Variants in R3HCC1L observed in about 807,000 individuals in gnomAD.
The protein encoded by R3HCC1L is coiled-coil domain-containing protein R3HCC1L.
Under a neutral mutation model 59.9 loss-of-function variants are expected in R3HCC1L, and 51 were observed. The observed-to-expected ratio is 0.85, with a 90% CI of 0.68 to 1.07. The LOEUF (loss-of-function observed/expected upper bound fraction) is 1.07. Ranked by LOEUF, R3HCC1L falls within the 50% of genes least tolerant of loss-of-function variation. R3HCC1L has a pLI of 0.00. For missense variants in R3HCC1L, 965 were observed against 933.0 expected (o/e 1.03, Z -0.45); for synonymous variants, 322 against 315.2 (o/e 1.02, Z -0.23).
intron 2 of R3HCC1L, among the ~76,000 whole-genome samples, chr10:98,161,909 G>A (rs1474293938): frequency 1.3e-5 from 2 of 152,044 alleles, no homozygotes; most frequent in Non-Finnish European, 2.9e-5. Flanking sequence ...CAATGAAAAA[G>A]CTTGCAGGTG....
At chr10:98,139,645 T>C (rs1166974795) in intron 1 of R3HCC1L, among the ~76,000 whole-genome samples, 1 of 152,124 alleles carries the variant, frequency 6.6e-6, no homozygotes, top group Non-Finnish European at 1.5e-5. Flanking sequence ...GTCAAAGCAT[T>C]AGATAGAGGA....
chr10:98,180,924 A>G (rs1025398014), intron 4 of R3HCC1L, among the ~76,000 whole-genome samples: 20 of 151,910 alleles, frequency 1.3e-4, no homozygotes, highest in African/African-American at 4.6e-4. Flanking sequence ...CAATCCCTTT[A>G]TTTTAAGCCT....
At chr10:98,181,651 A>G (rs1256203070) in intron 4 of R3HCC1L, among the ~76,000 whole-genome samples, 2 of 152,166 alleles carry the variant, frequency 1.3e-5, no homozygotes, top group Non-Finnish European at 2.9e-5. Context: ...TTTCAGGTAT[A>G]CCACTCAAAC....
rs563529648 is a variant in R3HCC1L at position 98,139,850 on chromosome 10, C to CT, written c.-268+5153dup. Among the ~76,000 whole-genome samples, 274 of 148,006 alleles carry CT rather than the reference C, an allele frequency of 1.9e-3. 1 individual carries two copies. Among genetic ancestry groups the CT allele is most frequent in the South Asian group, 5.2e-3 (24 of 4,634 alleles). On this transcript the variant is annotated intron_variant, in intron 1 of 9. Coordinates refer to ENST00000298999, the MANE Select transcript of R3HCC1L (RefSeq NM_001351015.2). ...TTAATATTTGTTGTCCTTCTTGTAT[C>CT]TTTTTTTTTAATGCCAGATATAGCT...
At chr10:98,168,996 G>A (rs1353550337) in intron 4 of R3HCC1L, among the ~76,000 whole-genome samples, 5 of 152,188 alleles carry the variant, frequency 3.3e-5, no homozygotes, top group Non-Finnish European at 7.3e-5. Context: ...ACCTGGTGAG[G>A]TTCTTTACCA....
At chr10:98,218,618 A>G (rs1165136958) in intron 5 of R3HCC1L, among the ~76,000 whole-genome samples, 1 of 152,074 alleles carries the variant, frequency 6.6e-6, no homozygotes, top group Non-Finnish European at 1.5e-5. Context: ...GAGGTGCTTC[A>G]TTAGGTTGTG....
intron 4 of R3HCC1L, among the ~76,000 whole-genome samples, chr10:98,181,485 A>G (rs1382389413): frequency 2.0e-5 from 3 of 151,972 alleles, no homozygotes; most frequent in African/African-American, 7.3e-5. Flanking sequence ...GAATCTGACA[A>G]TTATGTGTCT....
At chr10:98,241,090 A>C (rs1183138487) in intron 9 of R3HCC1L, among the ~76,000 whole-genome samples, 1 of 152,194 alleles carries the variant, frequency 6.6e-6, no homozygotes. Flanking sequence ...ATAAATATTT[A>C]GTAAACTTAA....
chr10:98,172,515 G>C (rs992222237), intron 4 of R3HCC1L, among the ~76,000 whole-genome samples: 14 of 152,154 alleles, frequency 9.2e-5, no homozygotes, highest in African/African-American at 3.4e-4. Flanking sequence ...GGCTTGGATC[G>C]ATGGTGGTTT....
intron 4 of R3HCC1L, among the ~76,000 whole-genome samples, chr10:98,177,809 A>AT (rs1849194471): frequency 6.6e-6 from 1 of 152,068 alleles, no homozygotes; most frequent in African/African-American, 2.4e-5. Flanking sequence ...TCATGTGTCT[A>AT]TTGGCTGCAT....
Position 98,167,757 on chromosome 10 carries a change from C to G in R3HCC1L, c.-15+4360C>G, listed in dbSNP as rs552583623. 3.0e-3 allele frequency among the ~76,000 whole-genome samples: 455 copies of G among 152,260 alleles called. 4 individuals carry two copies. Among genetic ancestry groups the G allele is most frequent in the African/African-American group, 9.3e-3 (386 of 41,548 alleles). On this transcript the variant is annotated intron_variant, in intron 4 of 9. Coordinates refer to ENST00000298999, the MANE Select transcript of R3HCC1L (RefSeq NM_001351015.2). ...TTGGAAACTGTGTAATCTTAAGTAACTTAAGTTTCAGATTTTTCATCTGTA... is the reference window on the plus strand; with the variant it reads ...TTGGAAACTGTGTAATCTTAAGTAAGTTAAGTTTCAGATTTTTCATCTGTA...
In R3HCC1L at chr10:98,244,252, G is replaced by C; in HGVS notation, c.*94G>C. 1 of 1,188,330 alleles carries C rather than the reference G, an allele frequency of 8.4e-7. No individual in the cohort carries two copies. The highest frequency in any genetic ancestry group is 1.2e-6 in the Non-Finnish European group (1 of 807,074). 73.6% of individuals were successfully genotyped at this position (1,188,330 alleles called of 1,614,324 possible). ...CCTTCCAGAGCTCTATGTACATGCA[G>C]ATGTGCATGTTAAAGAGATAAAGTG... On this transcript the variant is annotated 3_prime_UTR_variant, in exon 10 of 10. Transcript: ENST00000298999.
intron 1 of R3HCC1L, among the ~76,000 whole-genome samples, chr10:98,150,263 G>A (rs1049280718): frequency 6.6e-6 from 1 of 152,058 alleles, no homozygotes; most frequent in Non-Finnish European, 1.5e-5. Context: ...TTGGTTGGAG[G>A]GTTCCCAAAT....
chr10:98,233,059 T>C (rs760386588), intron 6 of R3HCC1L, among the ~76,000 whole-genome samples: 3 of 152,164 alleles, frequency 2.0e-5, no homozygotes, highest in African/African-American at 2.4e-5. Context: ...TAGGTTAAAA[T>C]CTAGTATCAG....
rs751208271 is a variant in R3HCC1L at position 98,244,153 on chromosome 10, G to A, written c.2332G>A (p.Val778Ile). Reference protein sequence around the residue: ...DIWEGRDQSTV With the variant: ...DIWEGRDQSTI ...CTGGGAAGGCAGAGACCAGTCTACA[G>A]TTTGAACATCACTCAATGAAAGGGA... Residue 778 changes from valine (V) to isoleucine (I), a missense_variant, in exon 10 of 10, where the codon GTT becomes ATT. Val to Ile is a conservative substitution (Grantham distance 29, BLOSUM62 3). Transcript: ENST00000298999. 6.2e-7 allele frequency: 1 copy of A among 1,613,750 alleles called. No homozygotes were observed. The highest frequency in any genetic ancestry group is 8.5e-7 in the Non-Finnish European group (1 of 1,179,662).
At chr10:98,231,159 T>A (rs1856339929) in intron 5 of R3HCC1L, 1 of 327,470 alleles carries the variant, frequency 3.1e-6, no homozygotes, top group Non-Finnish European at 5.9e-6. Flanking sequence ...TATTAATTAA[T>A]CTCTTCAGCT....
intron 9 of R3HCC1L, among the ~76,000 whole-genome samples, chr10:98,241,644 T>G (rs933207950): frequency 3.3e-5 from 5 of 152,220 alleles, no homozygotes; most frequent in African/African-American, 1.2e-4. Context: ...AGCTATTATC[T>G]GCTTTCCTTT....
intron 1 of R3HCC1L, among the ~76,000 whole-genome samples, chr10:98,137,456 G>A (rs1844709747): frequency 6.6e-6 from 1 of 152,166 alleles, no homozygotes; most frequent in African/African-American, 2.4e-5. Flanking sequence ...TGTTATTGAT[G>A]ATTATGATAA....
chr10:98,229,163 A>C (rs1306612500), intron 5 of R3HCC1L, among the ~76,000 whole-genome samples: 1 of 152,042 alleles, frequency 6.6e-6, no homozygotes. Context: ...TGAATCTATA[A>C]ATTACCTTGG....
Sources: allele counts gnomAD v4.1 joint callset (sites outside exome capture counted in the v4.1 genomes callset), GRCh38; gene constraint gnomAD v4.1.1; transcripts MANE v1.5; gene names NCBI Gene and HGNC (gene_info 2026-07-23, HGNC 2026-07-21).